C14orf132: variants seen among roughly 807,000 people sequenced by gnomAD.
The protein encoded by C14orf132 is uncharacterized protein C14orf132.
Under a neutral mutation model 5.8 loss-of-function variants are expected in C14orf132, and 6 were observed. The ratio of observed to expected loss-of-function variants is 1.03; its 90% CI spans 0.57 to 2.04. The LOEUF (loss-of-function observed/expected upper bound fraction) is 2.04, where lower values mean the gene tolerates loss of function less well. Among genes scored for constraint, C14orf132 ranks in the 30% most tolerant of loss-of-function variants. C14orf132 has a pLI of 0.00. For synonymous variants in C14orf132, 51 were observed against 49.8 expected (o/e 1.02, Z -0.10); for missense variants, 125 against 115.8 (o/e 1.08, Z -0.37).
chr14:96,093,948 T>TA lies in C14orf132; in HGVS notation c.*7216dup, dbSNP rs1888500423. The TA allele has an allele frequency of 6.6e-6, 1 of 152,300 alleles. No individual in the cohort carries two copies. The highest frequency in any genetic ancestry group is 6.5e-5 in the Admixed American group (1 of 15,300). The allele number at this position is 152,300 out of a possible 1,614,324, so 9.4% of individuals were successfully genotyped here. A position where few individuals can be genotyped will look rare whatever the true frequency, so the allele number is the denominator to read the frequency against. ...GCAAAGGAGATGATCTACTCAGCTT[T>TA]AAATGGCTCAGCCCCAGCGTCACCT... On this transcript the variant is annotated 3_prime_UTR_variant, in exon 2 of 2. Coordinates refer to ENST00000555004, the MANE Select transcript of C14orf132 (RefSeq NM_001252507.3).
rs138502218 is a variant in C14orf132, at chr14:96,049,599, C to T, written c.27+10072C>T. Among the ~76,000 whole-genome samples, 1,032 of 108,654 alleles carry T rather than the reference C, an allele frequency of 9.5e-3. 34 individuals are homozygous for T. Among genetic ancestry groups the T allele is most frequent in the Admixed American group, 0.026 (262 of 10,214 alleles). 71.3% of individuals were successfully genotyped at this position (108,654 alleles called of 152,430 possible). ...ATATACGTATATATATACATATATACGTATATATATACATATATACGTATA... is the reference window on the plus strand; with the variant it reads ...ATATACGTATATATATACATATATATGTATATATATACATATATACGTATA... On this transcript the variant is annotated intron_variant, in intron 1 of 1. Transcript: ENST00000555004.
chr14:96,085,229 A>T (rs1466730362), intron 1 of C14orf132, among the ~76,000 whole-genome samples: 1 of 152,242 alleles, frequency 6.6e-6, no homozygotes, highest in Admixed American at 6.5e-5. Context: ...CAGGAGCTCC[A>T]CACAGAATAC....
chr14:96,061,926 A>G (rs1169702322), intron 1 of C14orf132, among the ~76,000 whole-genome samples: 2 of 152,050 alleles, frequency 1.3e-5, no homozygotes, highest in African/African-American at 4.8e-5. Flanking sequence ...AAATAAATAG[A>G]TAAATAAATA....
At chr14:96,057,222 T>C (rs1887210952) in intron 1 of C14orf132, among the ~76,000 whole-genome samples, 1 of 152,198 alleles carries the variant, frequency 6.6e-6, no homozygotes, top group South Asian at 2.1e-4. Flanking sequence ...TAATGCCATC[T>C]AAAAGGCCTT....
At chr14:96,070,865 G>A (rs959871906) in intron 1 of C14orf132, among the ~76,000 whole-genome samples, 13 of 152,074 alleles carry the variant, frequency 8.5e-5, no homozygotes, top group African/African-American at 2.9e-4. Flanking sequence ...TCCATCCCTA[G>A]GGTAGTAGGG....
chr14:96,039,941 T>A lies in C14orf132; in HGVS notation c.27+414T>A, dbSNP rs1300093524. Among the ~76,000 whole-genome samples the A allele has an allele frequency of 6.6e-6, 1 of 152,136 alleles. No homozygotes were observed. The highest frequency in any genetic ancestry group is 2.4e-5 in the African/African-American group (1 of 41,438). On this transcript the variant is annotated intron_variant, in intron 1 of 1. Coordinates refer to ENST00000555004, the MANE Select transcript of C14orf132 (RefSeq NM_001252507.3). This position sits in a 1 kb window ranked among gnomAD's most constrained non-coding sequence, Gnocchi z 5.3. The stretch of plus-strand genomic sequence containing the variant: ...CAGTCTCGCCCTTCCCCACTCTGTT[T>A]TCCCGAGGCGCCAGTAATCTGTCTC...
At chr14:96,068,720 G>A (rs1173208134) in intron 1 of C14orf132, among the ~76,000 whole-genome samples, 2 of 152,134 alleles carry the variant, frequency 1.3e-5, no homozygotes, top group African/African-American at 4.8e-5. Context: ...ATTAGCTCTT[G>A]TCACCTTTAG....
chr14:96,039,673 C>T lies in C14orf132; in HGVS notation c.27+146C>T, dbSNP rs576364214. ...CTTTGTCCCGAGCCGGACACCCCCA[C>T]TTGGTGCACGCGTCGGGGGCGGCGA... On this transcript the variant is annotated intron_variant, in intron 1 of 1. Transcript: ENST00000555004. The surrounding 1 kb of genome is among the most constrained non-coding windows in gnomAD (Gnocchi z 5.3). 4.8e-6 allele frequency: 4 copies of T among 826,276 alleles called. No homozygotes were observed. The highest frequency in any genetic ancestry group is 8.4e-5 in the Admixed American group (2 of 23,776). 51.2% of individuals were successfully genotyped at this position (826,276 alleles called of 1,614,324 possible). A position where few individuals can be genotyped will look rare whatever the true frequency, so the allele number is the denominator to read the frequency against.
intron 1 of C14orf132, among the ~76,000 whole-genome samples, chr14:96,053,799 CA>C (rs141313433): frequency 4.9e-4 from 75 of 152,096 alleles, no homozygotes; most frequent in African/African-American, 1.8e-3. Context: ...GAGGAGGTAC[CA>C]AAAAAAGGAG....
chr14:96,074,784 C>T lies in C14orf132; in HGVS notation c.28-11727C>T, dbSNP rs576679970. On this transcript the variant is annotated intron_variant, in intron 1 of 1. Transcript: ENST00000555004. ...CCCTCTATTTAATGTATGCATCCATCCTTTTGCTAACACTACACTGTCTTG... is the reference window on the plus strand; with the variant it reads ...CCCTCTATTTAATGTATGCATCCATTCTTTTGCTAACACTACACTGTCTTG... Among the ~76,000 whole-genome samples, 129 of 108,296 alleles carry T rather than the reference C, an allele frequency of 1.2e-3. 2 individuals are homozygous for T. The highest frequency in any genetic ancestry group is 3.7e-3 in the Admixed American group (36 of 9,618). 71.0% of individuals were successfully genotyped at this position (108,296 alleles called of 152,430 possible). A position where few individuals can be genotyped will look rare whatever the true frequency, so the allele number is the denominator to read the frequency against.
chr14:96,056,129 T>C (rs1200163809), intron 1 of C14orf132, among the ~76,000 whole-genome samples: 2 of 152,250 alleles, frequency 1.3e-5, no homozygotes, highest in African/African-American at 4.8e-5. Flanking sequence ...CCTCTCAGAA[T>C]GCGGTGTAGG....
chr14:96,077,714 C>T (rs1425891011), intron 1 of C14orf132, among the ~76,000 whole-genome samples: 1 of 152,172 alleles, frequency 6.6e-6, no homozygotes, highest in Non-Finnish European at 1.5e-5. Flanking sequence ...CTTGTTAAAA[C>T]TTTTAGAGCA....
intron 1 of C14orf132, among the ~76,000 whole-genome samples, chr14:96,081,981 C>T (rs1241386611): frequency 1.3e-5 from 2 of 152,166 alleles, no homozygotes; most frequent in Non-Finnish European, 2.9e-5. Context: ...AAGCCCCCCT[C>T]GCCCCCCAGG....
At chr14:96,084,269 T>C (rs1888113852) in intron 1 of C14orf132, among the ~76,000 whole-genome samples, 1 of 152,170 alleles carries the variant, frequency 6.6e-6, no homozygotes, top group South Asian at 2.1e-4. Flanking sequence ...TTCCTGGGAA[T>C]CTGGCAGGGG....
chr14:96,065,013 C>T (rs1156845643), intron 1 of C14orf132, among the ~76,000 whole-genome samples: 2 of 152,124 alleles, frequency 1.3e-5, no homozygotes, highest in African/African-American at 4.8e-5. Flanking sequence ...TTCTTCCTAA[C>T]CCAGTGTGCT....
intron 1 of C14orf132, among the ~76,000 whole-genome samples, chr14:96,046,452 T>A (rs1886833468): frequency 6.6e-6 from 1 of 152,146 alleles, no homozygotes; most frequent in African/African-American, 2.4e-5. Context: ...ACTAAGGAGG[T>A]AGGCCATGGC....
At chr14:96,075,196 G>A (rs1566833401) in intron 1 of C14orf132, among the ~76,000 whole-genome samples, 1 of 152,084 alleles carries the variant, frequency 6.6e-6, no homozygotes, top group Non-Finnish European at 1.5e-5. Flanking sequence ...TTTGGCTAAA[G>A]TTCATATTGT....
intron 1 of C14orf132, among the ~76,000 whole-genome samples, chr14:96,074,866 G>GTT (rs33947260): frequency 0.51 from 76,496 of 150,134 alleles, 20,020 homozygotes; most frequent in East Asian, 0.88. Context: ...CACCAAATTT[G>GTT]TTTTCTTTTT....
At chr14:96,069,232 T>G (rs1384930584) in intron 1 of C14orf132, among the ~76,000 whole-genome samples, 1 of 141,960 alleles carries the variant, frequency 7.0e-6, no homozygotes, top group Non-Finnish European at 1.5e-5. Context: ...TTCACATATA[T>G]ATGTTATTGG....
Sources: allele counts gnomAD v4.1 joint callset (sites outside exome capture counted in the v4.1 genomes callset), GRCh38; gene constraint gnomAD v4.1.1; non-coding constraint Gnocchi (gnomAD v3.1); transcripts MANE v1.5; gene names NCBI Gene and HGNC (gene_info 2026-07-23, HGNC 2026-07-21).